IMPG1: variants seen among roughly 807,000 people sequenced by gnomAD.
IMPG1 encodes interphotoreceptor matrix proteoglycan of 150 kDa.
A neutral mutation model predicts 92.0 loss-of-function variants in IMPG1; 85 were observed. The observed-to-expected ratio is 0.92, with a 90% CI of 0.78 to 1.11. The LOEUF is 1.11. Among genes scored for constraint, IMPG1 ranks in the 50% least tolerant of loss-of-function variants. The pLI is 0.00. For missense variants in IMPG1, 1,022 were observed against 956.0 expected (o/e 1.07, Z -0.91); for synonymous variants, 367 against 334.1 (o/e 1.10, Z -1.08).
At chr6:76,018,188 C>T (rs1441940457) in intron 7 of IMPG1, among the ~76,000 whole-genome samples, 1 of 152,068 alleles carries the variant, frequency 6.6e-6, no homozygotes, top group Non-Finnish European at 1.5e-5. Flanking sequence ...TTTCCATACA[C>T]ACATACCTAT....
At chr6:75,989,930 GTTAA>G (rs1782786562) in intron 12 of IMPG1, among the ~76,000 whole-genome samples, 1 of 152,158 alleles carries the variant, frequency 6.6e-6, no homozygotes, top group South Asian at 2.1e-4. Flanking sequence ...GAGATAGAAT[GTTAA>G]TTAGCTTGAC....
At chr6:75,987,815 T>C (rs547349298) in intron 12 of IMPG1, among the ~76,000 whole-genome samples, 1 of 152,216 alleles carries the variant, frequency 6.6e-6, no homozygotes, top group South Asian at 2.1e-4. Flanking sequence ...CGACTAATTT[T>C]TTTTTGTAAT....
In IMPG1 at chr6:76,049,671, G is replaced by C. The variant is rs188121920; in HGVS notation, c.68-7545C>G. On this transcript the variant is annotated intron_variant, in intron 1 of 16. Coordinates refer to ENST00000369950, the MANE Select transcript of IMPG1 (RefSeq NM_001563.4). ...GATATTGACATTTGTTGATAGGGGT[G>C]GTGGTGAGGGTGGTGGTTTTGTAAC... is the stretch of plus-strand genomic sequence containing the variant. 5.3e-5 allele frequency among the ~76,000 whole-genome samples: 8 copies of C among 152,314 alleles called. No individual in the cohort carries two copies. The East Asian group carries it at 1.4e-3, about 26-fold the overall frequency.
chr6:75,947,558 C>G (rs1190854518), intron 13 of IMPG1, 25 bp from the exon 14 acceptor site: 1 of 1,550,454 alleles, frequency 6.4e-7, no homozygotes, highest in Non-Finnish European at 8.9e-7. Context: ...ATGGTTTCCT[C>G]TTAACTGTGT....
At chr6:76,025,917 G>A (rs546773311) in intron 4 of IMPG1, among the ~76,000 whole-genome samples, 25 of 152,148 alleles carry the variant, frequency 1.6e-4, no homozygotes, top group Non-Finnish European at 2.9e-4. Flanking sequence ...ATTCTAACAA[G>A]CTTTACTTAG....
intron 16 of IMPG1, 150 bp from the exon 17 acceptor site, chr6:75,922,316 T>C (rs955901949): frequency 1.8e-6 from 1 of 564,018 alleles, no homozygotes; most frequent in African/African-American, 1.9e-5. Context: ...CTCAAAATAT[T>C]CTTAACTTTA....
intron 10 of IMPG1, among the ~76,000 whole-genome samples, chr6:76,004,489 G>T (rs563539239): frequency 6.6e-6 from 1 of 152,288 alleles, no homozygotes; most frequent in African/African-American, 2.4e-5. Flanking sequence ...CCTTTATGAA[G>T]TTTTCTAGTG....
At chr6:76,021,111 C>A (rs1310768923) in intron 6 of IMPG1, among the ~76,000 whole-genome samples, 1 of 152,124 alleles carries the variant, frequency 6.6e-6, no homozygotes, top group Non-Finnish European at 1.5e-5. Context: ...AGGGCAGCCA[C>A]TATGAAACTT....
intron 1 of IMPG1, among the ~76,000 whole-genome samples, chr6:76,045,202 C>T (rs1024650378): frequency 3.1e-4 from 47 of 152,116 alleles, no homozygotes; most frequent in African/African-American, 9.2e-4. Context: ...TGGAGAAGAC[C>T]CAAGACAAAT....
Position 75,950,494 on chromosome 6 carries a change from T to A in IMPG1, c.1824+68A>T, listed in dbSNP as rs1327484053. 6 of 1,349,190 alleles carry A rather than the reference T, an allele frequency of 4.4e-6. No homozygotes were observed. The East Asian group carries it at 1.5e-4, about 34-fold the overall frequency. 83.6% of individuals were successfully genotyped at this position (1,349,190 alleles called of 1,614,324 possible). On this transcript the variant is annotated intron_variant, in intron 13 of 16. Coordinates refer to ENST00000369950, the MANE Select transcript of IMPG1 (RefSeq NM_001563.4). The stretch of plus-strand genomic sequence containing the variant: ...CTAATTGCTCAAGACAGCCAATAAT[T>A]ATATTATAAAATAACAACAAAGAAA...
chr6:75,953,096 G>A (rs4708201), intron 12 of IMPG1, among the ~76,000 whole-genome samples: 15,085 of 151,710 alleles, frequency 0.099, 1,054 homozygotes, highest in East Asian at 0.34. Flanking sequence ...CTGCTCCTGC[G>A]GGTGATAAGA....
intron 14 of IMPG1, among the ~76,000 whole-genome samples, chr6:75,942,729 A>C (rs1244940302): frequency 6.6e-6 from 1 of 152,204 alleles, no homozygotes; most frequent in Non-Finnish European, 1.5e-5. Flanking sequence ...AGCCAATCGC[A>C]CTGAAAAACT....
intron 12 of IMPG1, among the ~76,000 whole-genome samples, chr6:75,951,497 C>G (rs536492077): frequency 2.6e-5 from 4 of 152,158 alleles, no homozygotes; most frequent in Non-Finnish European, 5.9e-5. Context: ...ATCCCTCATC[C>G]CCGTATAGAA....
At chr6:76,047,050 C>T (rs1783956024) in intron 1 of IMPG1, among the ~76,000 whole-genome samples, 1 of 152,206 alleles carries the variant, frequency 6.6e-6, no homozygotes, top group African/African-American at 2.4e-5. Context: ...CACAAGTTTT[C>T]TTAATATGTC....
At chr6:75,956,549 G>C (rs1782125147) in intron 12 of IMPG1, among the ~76,000 whole-genome samples, 3 of 152,116 alleles carry the variant, frequency 2.0e-5, no homozygotes, top group African/African-American at 7.2e-5. Context: ...ACAAGCTCCT[G>C]TATTCATTGA....
intron 14 of IMPG1, among the ~76,000 whole-genome samples, chr6:75,935,421 C>A (rs1225234916): frequency 6.6e-6 from 1 of 152,260 alleles, no homozygotes; most frequent in East Asian, 1.9e-4. Context: ...TGGCGCCCAG[C>A]GTGACAAAGC....
At chr6:75,959,027 G>T (rs1250190037) in intron 12 of IMPG1, among the ~76,000 whole-genome samples, 1 of 152,020 alleles carries the variant, frequency 6.6e-6, no homozygotes, top group East Asian at 1.9e-4. Flanking sequence ...TCTACCTTTG[G>T]TCTTCGATGT....
chr6:76,025,929 AAGG>A (rs1783520142), intron 4 of IMPG1, among the ~76,000 whole-genome samples: 1 of 152,104 alleles, frequency 6.6e-6, no homozygotes, highest in Admixed American at 6.5e-5. Flanking sequence ...TTTACTTAGA[AAGG>A]AGTAGTGGTG....
chr6:75,994,749 G>A (rs1193087190), intron 12 of IMPG1, among the ~76,000 whole-genome samples: 1 of 152,190 alleles, frequency 6.6e-6, no homozygotes, highest in Non-Finnish European at 1.5e-5. Flanking sequence ...AATTGTGGGA[G>A]CCACAATTCA....
Sources: allele counts gnomAD v4.1 joint callset (sites outside exome capture counted in the v4.1 genomes callset), GRCh38; gene constraint gnomAD v4.1.1; transcripts MANE v1.5; gene names NCBI Gene and HGNC (gene_info 2026-07-23, HGNC 2026-07-21).